Variants in HIVEP3 observed in about 807,000 individuals in gnomAD.
HIVEP3 encodes HIVEP zinc finger 3, also known as transcription factor HIVEP3.
In HIVEP3, 49 loss-of-function variants were observed where a neutral mutation model predicts 152.8. The observed-to-expected ratio is 0.32, with a 90% confidence interval of 0.26 to 0.41. HIVEP3 has a LOEUF of 0.41. Among genes scored for constraint, HIVEP3 ranks in the 10% least tolerant of loss-of-function variants. The pLI, the probability that HIVEP3 is intolerant of heterozygous loss-of-function variation, is 1.00. For synonymous variants in HIVEP3, 1,269 were observed against 1,289.0 expected, an observed-to-expected ratio of 0.98 and a Z score of 0.33; for missense variants, 2,790 against 3,103.3, an observed-to-expected ratio of 0.90 and a Z score of 2.40.
chr1:41,626,479 CAA>C (rs1645119404), intron 3 of HIVEP3, among the ~76,000 whole-genome samples: 2 of 152,320 alleles, frequency 1.3e-5, no homozygotes, highest in Non-Finnish European at 1.5e-5. Flanking sequence ...CACGGACAAA[CAA>C]AGAGTCTGGG....
chr1:41,890,991 T>A lies in HIVEP3; in HGVS notation c.-801+27422A>T, dbSNP rs538800204. Among the ~76,000 whole-genome samples, 380 of 152,292 alleles carry A rather than the reference T, an allele frequency of 2.5e-3. 3 individuals are homozygous for A. The highest frequency in any genetic ancestry group is 8.9e-3 in the African/African-American group (368 of 41,554). On this transcript the variant is annotated intron_variant, in intron 1 of 8. Coordinates refer to ENST00000372583, the MANE Select transcript of HIVEP3 (RefSeq NM_024503.5). ...TCCTGCTTCCACCACACGGGAGCCC[T>A]GAAACGAGCAGGCCAGCTGGAGAGG...
chr1:41,578,242 G>C (rs1246694406), intron 4 of HIVEP3, among the ~76,000 whole-genome samples: 3 of 152,212 alleles, frequency 2.0e-5, no homozygotes, highest in African/African-American at 7.2e-5. Context: ...GTAACATTTA[G>C]CATAGTACTT....
intron 1 of HIVEP3, among the ~76,000 whole-genome samples, chr1:41,895,383 T>C (rs1644511186): frequency 6.6e-6 from 1 of 152,166 alleles, no homozygotes; most frequent in South Asian, 2.1e-4. Context: ...AGTAGACTGC[T>C]TCCACAATGG....
intron 5 of HIVEP3, among the ~76,000 whole-genome samples, chr1:41,559,259 C>A (rs1644019216): frequency 6.6e-6 from 1 of 152,186 alleles, no homozygotes; most frequent in Non-Finnish European, 1.5e-5. Context: ...TTCCTGGCTT[C>A]CCTGGTCCCC....
intron 3 of HIVEP3, among the ~76,000 whole-genome samples, chr1:41,590,779 C>G (rs376037217): frequency 1.3e-5 from 2 of 152,160 alleles, no homozygotes; most frequent in South Asian, 4.1e-4. Flanking sequence ...GGGTTTAGTT[C>G]TAAAGCACAA....
intron 1 of HIVEP3, among the ~76,000 whole-genome samples, chr1:42,016,306 G>C (rs1645522428): frequency 6.6e-6 from 1 of 152,196 alleles, no homozygotes; most frequent in South Asian, 2.1e-4. Context: ...GCCAGATAAA[G>C]GTGGACAGAC....
chr1:41,581,899 G>T lies in HIVEP3; in HGVS notation c.2899C>A (p.Arg967Ser), dbSNP rs141506685. 3 of 1,613,888 alleles carry T rather than the reference G, an allele frequency of 1.9e-6. No homozygotes were observed. Among genetic ancestry groups the T allele is most frequent in the Admixed American group, 3.3e-5 (2 of 60,020 alleles). The change falls in exon 4 of 9, where the codon CGC (arginine) becomes AGC (serine). Residue 967 changes from arginine to serine, a missense_variant. By Grantham distance (110) the Arg-to-Ser change is moderately radical. This residue lies in a region of HIVEP3 where 1,078 missense variants were observed against 1,165.3 expected (regional missense o/e 0.93). Transcript: ENST00000372583. The surrounding 1 kb of genome is among the most constrained non-coding windows in gnomAD (Gnocchi z 4.5). ...ATGTGGGTGCCCAGGGGTTTGGGGC[G>T]CATGTCAGATGAGGGACTGGGGGCC... Reference protein sequence around the residue: ...AEAPSPSSDMRPKPLGTHMLT... With the variant: ...AEAPSPSSDMSPKPLGTHMLT...
intron 1 of HIVEP3, among the ~76,000 whole-genome samples, chr1:41,903,935 T>C (rs1644669093): frequency 6.6e-6 from 1 of 150,926 alleles, no homozygotes; most frequent in Non-Finnish European, 1.5e-5. Context: ...AGTCTCTTTC[T>C]GTCACCCAGG....
chr1:41,720,007 C>T (rs1321239132), intron 1 of HIVEP3, among the ~76,000 whole-genome samples: 1 of 152,208 alleles, frequency 6.6e-6, no homozygotes, highest in African/African-American at 2.4e-5. Context: ...CCCAGGTACA[C>T]AAGGACTCAA....
chr1:41,671,205 C>T (rs1055216761), intron 2 of HIVEP3, among the ~76,000 whole-genome samples: 2 of 152,206 alleles, frequency 1.3e-5, no homozygotes, highest in African/African-American at 4.8e-5. Context: ...GAACGCTGGG[C>T]CCCCAGCTGG....
intron 3 of HIVEP3, among the ~76,000 whole-genome samples, chr1:41,616,454 G>C (rs1644969304): frequency 6.6e-6 from 1 of 152,158 alleles, no homozygotes; most frequent in South Asian, 2.1e-4. Context: ...GAGTCTCAGA[G>C]TCTCCGGGTT....
chr1:41,526,424 A>C (rs151178623), intron 5 of HIVEP3, among the ~76,000 whole-genome samples: 36 of 106,264 alleles, frequency 3.4e-4, no homozygotes, highest in African/African-American at 1.2e-3. Flanking sequence ...TCACCCTCAC[A>C]CTCACCCTCA....
At chr1:41,646,409 C>T (rs990757904) in intron 2 of HIVEP3, among the ~76,000 whole-genome samples, 1 of 152,178 alleles carries the variant, frequency 6.6e-6, no homozygotes, top group African/African-American at 2.4e-5. Flanking sequence ...CCGGCAGAGG[C>T]ACACACAGTA....
At chr1:41,547,295 A>G (rs1643826260) in intron 5 of HIVEP3, among the ~76,000 whole-genome samples, 1 of 152,252 alleles carries the variant, frequency 6.6e-6, no homozygotes, top group Admixed American at 6.5e-5. Context: ...GTTTGCCTGA[A>G]GCAAACAGAA....
intron 1 of HIVEP3, among the ~76,000 whole-genome samples, chr1:41,954,042 T>G (rs1645125003): frequency 6.6e-6 from 1 of 152,172 alleles, no homozygotes; most frequent in African/African-American, 2.4e-5. Flanking sequence ...GACCCTCAGA[T>G]GGCAGACCAC....
At chr1:41,957,134 T>C (rs1410511057) in intron 1 of HIVEP3, among the ~76,000 whole-genome samples, 1 of 152,214 alleles carries the variant, frequency 6.6e-6, no homozygotes, top group Non-Finnish European at 1.5e-5. Flanking sequence ...ATATTTTTAC[T>C]ATACTTTCTT....
intron 1 of HIVEP3, among the ~76,000 whole-genome samples, chr1:42,004,047 G>A (rs368846895): frequency 5.3e-5 from 8 of 152,288 alleles, no homozygotes; most frequent in Middle Eastern, 3.4e-3. Context: ...CAACTGCCAA[G>A]TAAGGAAAGG....
chr1:41,992,704 CA>C (rs1301291001), intron 1 of HIVEP3, among the ~76,000 whole-genome samples: 4 of 121,288 alleles, frequency 3.3e-5, no homozygotes, highest in Non-Finnish European at 6.8e-5. Flanking sequence ...AATCCTAAGC[CA>C]AAAGAACAAA....
intron 1 of HIVEP3, among the ~76,000 whole-genome samples, chr1:41,979,521 T>G (rs17366783): frequency 0.017 from 2,663 of 152,306 alleles, 77 homozygotes; most frequent in Admixed American, 0.079. Flanking sequence ...CCTTTCCTAT[T>G]TCACTGTCCT....
Sources: gnomAD v4.1 joint callset for allele counts (sites outside exome capture counted in the v4.1 genomes callset) on GRCh38, gnomAD v4.1.1 for gene constraint, gnomAD v4.1.1 regional missense constraint, Gnocchi (gnomAD v3.1) non-coding constraint, MANE v1.5 for transcripts, NCBI Gene and HGNC (gene_info 2026-07-23, HGNC 2026-07-21) for gene names.